The following UGT2A1 variants were observed in gnomAD, a reference collection of about 807,000 sequenced individuals.
UGT2A1 encodes UDP-glucuronosyltransferase 2A1.
UGT2A1 carries 61 observed loss-of-function variants against 45.4 expected under a neutral mutation model. The ratio of observed to expected loss-of-function variants is 1.34; its 90% CI spans 1.09 to 1.66. The LOEUF (loss-of-function observed/expected upper bound fraction) is 1.66. UGT2A1 is among the 40% of genes most tolerant of loss of function. The pLI, the probability that UGT2A1 is intolerant of heterozygous loss-of-function variation, is 0.00. For synonymous variants in UGT2A1, 229 were observed against 196.2 expected (o/e 1.17, Z -1.40); for missense variants, 649 against 574.3 (o/e 1.13, Z -1.33).
chr4:69,595,553 A>G (rs11728785), intron 4 of UGT2A1, among the ~76,000 whole-genome samples: 152,216 of 152,270 alleles, frequency 1, 76,081 homozygotes, highest in Non-Finnish European at 1. Flanking sequence ...TCACAACATG[A>G]AGGGGAAAAA....
intron 3 of UGT2A1, among the ~76,000 whole-genome samples, chr4:69,617,822 G>C (rs964358815): frequency 1.3e-5 from 2 of 151,506 alleles, no homozygotes; most frequent in Non-Finnish European, 2.9e-5. Flanking sequence ...ATATAACTAG[G>C]TTTCAAAATA....
chr4:69,643,781 AG>A (rs1454593986), intron 2 of UGT2A1, among the ~76,000 whole-genome samples: 1 of 151,644 alleles, frequency 6.6e-6, no homozygotes, highest in African/African-American at 2.4e-5. Flanking sequence ...AGGCTGTTCG[AG>A]GCCTGAGTGG....
chr4:69,596,362 T>A (rs751031430), intron 4 of UGT2A1: 1 of 1,599,488 alleles, frequency 6.3e-7, no homozygotes, highest in Non-Finnish European at 8.5e-7. Flanking sequence ...ACCTGAGCTC[T>A]GGATAAATTC....
chr4:69,652,562 C>T lies in UGT2A1; in HGVS notation c.-55+626G>A, dbSNP rs140394190. Among the ~76,000 whole-genome samples, 504 of 151,834 alleles carry T rather than the reference C, an allele frequency of 3.3e-3. 2 individuals carry two copies. The highest frequency in any genetic ancestry group is 5.5e-3 in the Non-Finnish European group (371 of 67,968). ...CTGGGATTACAGGGGTGAGCCACCG[C>T]GCCTGGCCATTATTTTCTTTTTTTA... On this transcript the variant is annotated intron_variant, in intron 1 of 6. Coordinates refer to ENST00000286604, the MANE Select transcript of UGT2A1 (RefSeq NM_001252275.3).
chr4:69,596,305 A>G, intron 4 of UGT2A1: 1 of 1,607,548 alleles, frequency 6.2e-7, no homozygotes, highest in Non-Finnish European at 8.5e-7. Context: ...TTCTTCTGTA[A>G]GGTTTTTGAC....
rs1263076282 is a variant in UGT2A1 at position 69,652,252 on chromosome 4, A to G, written c.-55+936T>C. On this transcript the variant is annotated intron_variant, in intron 1 of 6. Coordinates refer to ENST00000286604, the MANE Select transcript of UGT2A1 (RefSeq NM_001252275.3). Reference sequence around the variant, plus strand: ...AACACAATTGGTTATTGCTTTTACAACAGCATTTTCTTTAGAAAAACTTTA... The same window carrying G: ...AACACAATTGGTTATTGCTTTTACAGCAGCATTTTCTTTAGAAAAACTTTA... Among the ~76,000 whole-genome samples the G allele has an allele frequency of 2.0e-5, 3 of 151,150 alleles. No homozygotes were observed. In the East Asian group the frequency reaches 5.8e-4, roughly 29 times the overall value.
intron 3 of UGT2A1, among the ~76,000 whole-genome samples, chr4:69,627,476 G>A (rs200667558): frequency 1.6e-5 from 1 of 63,430 alleles, no homozygotes; most frequent in Non-Finnish European, 3.3e-5. Flanking sequence ...AGGCAGGCAG[G>A]CAGGCAGGCA....
intron 2 of UGT2A1, chr4:69,639,233 A>T: frequency 6.2e-7 from 1 of 1,613,746 alleles, no homozygotes; most frequent in Non-Finnish European, 8.5e-7. Flanking sequence ...TTAGTACACC[A>T]TCACAGAGTT....
intron 3 of UGT2A1, among the ~76,000 whole-genome samples, chr4:69,631,531 T>C (rs1721388207): frequency 6.6e-6 from 1 of 152,166 alleles, no homozygotes; most frequent in African/African-American, 2.4e-5. Context: ...TTAGTTATCT[T>C]TCCAAGGTAT....
chr4:69,599,119 A>G, intron 4 of UGT2A1, 127 bp downstream of exon 4: 1 of 1,367,694 alleles, frequency 7.3e-7, no homozygotes, highest in Non-Finnish European at 9.6e-7. Context: ...ATCACAAGGA[A>G]AATAGATGTG....
intron 4 of UGT2A1, 45 bp downstream of exon 4, chr4:69,599,201 A>G: frequency 1.3e-6 from 2 of 1,555,296 alleles, no homozygotes; most frequent in South Asian, 2.5e-5. Context: ...AAAATTAAGT[A>G]TTTTATTATG....
At chr4:69,633,455 A>G (rs957406426) in intron 3 of UGT2A1, among the ~76,000 whole-genome samples, 17 of 152,204 alleles carry the variant, frequency 1.1e-4, no homozygotes, top group Non-Finnish European at 2.4e-4. Flanking sequence ...GAATATATCC[A>G]ACAGTATGGC....
Position 69,589,610 on chromosome 4 carries a change from T to C in UGT2A1, c.1346A>G (p.Asp449Gly). The C allele has an allele frequency of 6.2e-7, 1 of 1,613,926 alleles. No homozygotes were observed. Among genetic ancestry groups the C allele is most frequent in the Non-Finnish European group, 8.5e-7 (1 of 1,179,860 alleles). ...NAMRLSRIHH[D>G]QPVKPLDRAV... Reference sequence around the variant, plus strand: ...TCGATCCAGGGGCTTTACAGGTTGATCATGGTGAATTCTTGATAACCTCAT... The same window carrying C: ...TCGATCCAGGGGCTTTACAGGTTGACCATGGTGAATTCTTGATAACCTCAT... The change falls in exon 7 of 7, where the codon GAT becomes GGT. Residue 449 changes from aspartate to glycine, a missense_variant. Coordinates refer to ENST00000286604, the MANE Select transcript of UGT2A1 (RefSeq NM_001252275.3).
At chr4:69,594,819 G>T in intron 5 of UGT2A1, 123 bp from the exon 6 acceptor site, 1 of 1,223,552 alleles carries the variant, frequency 8.2e-7, no homozygotes, top group Non-Finnish European at 1.1e-6. Flanking sequence ...TTCTACAAAA[G>T]CAGATCACAT....
intron 3 of UGT2A1, among the ~76,000 whole-genome samples, chr4:69,626,606 T>A (rs1163856087): frequency 6.6e-6 from 1 of 151,524 alleles, no homozygotes; most frequent in East Asian, 1.9e-4. Flanking sequence ...GATAACAAAT[T>A]TGCACATATA....
At chr4:69,590,816 A>G (rs1718555113) in intron 6 of UGT2A1, among the ~76,000 whole-genome samples, 1 of 152,220 alleles carries the variant, frequency 6.6e-6, no homozygotes, top group South Asian at 2.1e-4. Flanking sequence ...GACAAAGACC[A>G]TGCTCATAAA....
At chr4:69,639,708 G>A (rs1721947524) in intron 2 of UGT2A1, 3 of 1,406,662 alleles carry the variant, frequency 2.1e-6, no homozygotes, top group East Asian at 2.5e-5. Context: ...TTTAAATAAA[G>A]TAATATTTAG....
chr4:69,647,436 G>A lies in UGT2A1; in HGVS notation c.209C>T (p.Thr70Ile). The A allele has an allele frequency of 6.2e-7, 1 of 1,612,860 alleles. No individual in the cohort carries two copies. Among genetic ancestry groups the A allele is most frequent in the South Asian group, 1.1e-5 (1 of 90,938 alleles). The change falls in exon 2 of 7, where the codon ACA becomes ATA. Residue 70 changes from threonine to isoleucine, a missense_variant. By Grantham distance (89) the Thr-to-Ile change is moderately conservative. Coordinates refer to ENST00000286604, the MANE Select transcript of UGT2A1 (RefSeq NM_001252275.3). ...AAAGGGCACCTTATATATTTCAAAT[G>A]TCAGAGATGGGTTAGAGGTTGGTGT... ...FITPTSNPSL[T>I]FEIYKVPFGK... is the part of the protein sequence containing the mutation.
rs571145699 is a variant in UGT2A1, at chr4:69,647,622, A to C, written c.23T>G (p.Phe8Cys). 9.4e-6 allele frequency: 15 copies of C among 1,589,926 alleles called. No homozygotes were observed. In the East Asian group the frequency reaches 2.7e-4, roughly 28 times the overall value. Reference sequence around the variant, plus strand: ...TCCTATGAGACTTATCTGAAGGGAGAACAGCAGAAGGTTGTTTAACATGAT... The same window carrying C: ...TCCTATGAGACTTATCTGAAGGGAGCACAGCAGAAGGTTGTTTAACATGAT... MLNNLLLFSLQISLIGTT... is the reference protein window; with the variant it reads MLNNLLLCSLQISLIGTT... Residue 8 changes from phenylalanine (F) to cysteine (C), a missense_variant, in exon 2 of 7, where the codon TTC becomes TGC. By Grantham distance (205) the Phe-to-Cys change is radical (BLOSUM62 -2). Transcript: ENST00000286604.
Sources: allele counts gnomAD v4.1 joint callset (sites outside exome capture counted in the v4.1 genomes callset), GRCh38; gene constraint gnomAD v4.1.1; transcripts MANE v1.5; gene names NCBI Gene and HGNC (gene_info 2026-07-23, HGNC 2026-07-21).